The following RGS5 variants were observed in gnomAD, a reference collection of about 807,000 sequenced individuals.
The protein encoded by RGS5 is regulator of G-protein signalling 5.
A neutral mutation model predicts 18.9 loss-of-function variants in RGS5; 20 were observed. That is an observed-to-expected ratio of 1.06 (90% CI 0.74 to 1.54). The LOEUF is 1.54. Among genes scored for constraint, RGS5 ranks in the 40% most tolerant of loss-of-function variants. The pLI, the probability that RGS5 is intolerant of heterozygous loss-of-function variation, is 0.00. For missense variants in RGS5, 201 were observed against 211.8 expected, an observed-to-expected ratio of 0.95 and a Z score of 0.32; for synonymous variants, 57 against 76.2, an observed-to-expected ratio of 0.75 and a Z score of 1.31.
intron 1 of RGS5, among the ~76,000 whole-genome samples, chr1:163,192,267 C>T (rs903911744): frequency 6.6e-6 from 1 of 152,082 alleles, no homozygotes; most frequent in South Asian, 2.1e-4. Flanking sequence ...TGGGGCTGAG[C>T]CCTTAACCTA....
chr1:163,222,891 A>G (rs1360998330), intron 2 of RGS5, among the ~76,000 whole-genome samples: 1 of 151,760 alleles, frequency 6.6e-6, no homozygotes, highest in East Asian at 1.9e-4. Context: ...AGACGGCCTC[A>G]CTCTGTCACC....
intron 2 of RGS5, among the ~76,000 whole-genome samples, chr1:163,273,869 T>C (rs1052844704): frequency 6.6e-5 from 10 of 152,168 alleles, no homozygotes; most frequent in Admixed American, 5.9e-4. Context: ...TGGACTAAAT[T>C]TGGGAAATCT....
chr1:163,184,919 T>G (rs925945046), intron 1 of RGS5, among the ~76,000 whole-genome samples: 1 of 152,232 alleles, frequency 6.6e-6, no homozygotes, highest in African/African-American at 2.4e-5. Flanking sequence ...GCAACTGTTA[T>G]AGCAGCAAAT....
chr1:163,294,481 G>A (rs1474259915), intron 2 of RGS5, among the ~76,000 whole-genome samples: 1 of 152,236 alleles, frequency 6.6e-6, no homozygotes, highest in Non-Finnish European at 1.5e-5. Context: ...TCCTGAGACT[G>A]CACAGAACAG....
chr1:163,181,515 C>T (rs1224225754), intron 1 of RGS5, among the ~76,000 whole-genome samples: 1 of 152,158 alleles, frequency 6.6e-6, no homozygotes, highest in Non-Finnish European at 1.5e-5. Flanking sequence ...AACTGAGATT[C>T]ACAGAAATTA....
intron 1 of RGS5, among the ~76,000 whole-genome samples, chr1:163,195,951 AGAGG>A: frequency 6.6e-6 from 1 of 152,312 alleles, no homozygotes; most frequent in Non-Finnish European, 1.5e-5. Flanking sequence ...AGGAAGAAAT[AGAGG>A]AAGTTATGAG....
At chr1:163,261,130 G>C (rs1648423322) in intron 2 of RGS5, among the ~76,000 whole-genome samples, 1 of 152,132 alleles carries the variant, frequency 6.6e-6, no homozygotes, top group Non-Finnish European at 1.5e-5. Flanking sequence ...GATTCTGCTG[G>C]GATGGTACAA....
chr1:163,288,266 G>T (rs1255648434), intron 2 of RGS5, among the ~76,000 whole-genome samples: 2 of 152,012 alleles, frequency 1.3e-5, no homozygotes, highest in African/African-American at 4.8e-5. Context: ...ATAATAATCT[G>T]CCAATGGACT....
At chr1:163,207,929 A>AT (rs1274289845) in intron 1 of RGS5, among the ~76,000 whole-genome samples, 1 of 152,172 alleles carries the variant, frequency 6.6e-6, no homozygotes, top group Non-Finnish European at 1.5e-5. Context: ...AAAACAAAGA[A>AT]TAAACAGTTC....
intron 4 of RGS5, among the ~76,000 whole-genome samples, chr1:163,148,218 C>T (rs914412371): frequency 6.6e-6 from 1 of 152,126 alleles, no homozygotes; most frequent in Non-Finnish European, 1.5e-5. Flanking sequence ...TGAGCCACCG[C>T]GTCCGGCCCT....
At chr1:163,237,544 G>C (rs1647662286) in intron 2 of RGS5, among the ~76,000 whole-genome samples, 1 of 152,022 alleles carries the variant, frequency 6.6e-6, no homozygotes, top group Admixed American at 6.6e-5. Flanking sequence ...AATTAACCAG[G>C]CACGGTGGCG....
intron 1 of RGS5, among the ~76,000 whole-genome samples, chr1:163,180,294 G>A (rs1658756848): frequency 6.6e-6 from 1 of 152,086 alleles, no homozygotes; most frequent in South Asian, 2.1e-4. Flanking sequence ...CCTGTTAAAT[G>A]TGTCCTTGCT....
At chr1:163,162,647 C>A (rs1451412037) in intron 2 of RGS5, 1 of 151,588 alleles carries the variant, frequency 6.6e-6, no homozygotes, top group Admixed American at 6.6e-5. Context: ...ATGTTATACA[C>A]AAATGCTTGA....
upstream of RGS5, among the ~76,000 whole-genome samples, chr1:163,206,376 T>C (rs760320752): frequency 3.9e-5 from 6 of 152,022 alleles, no homozygotes; most frequent in Admixed American, 3.9e-4. Context: ...TGTTGCTTTT[T>C]GATTTTTTTA....
At chr1:163,272,518 A>G (rs745445780) in intron 2 of RGS5, among the ~76,000 whole-genome samples, 11 of 151,654 alleles carry the variant, frequency 7.3e-5, no homozygotes, top group Non-Finnish European at 1.3e-4. Context: ...CCTATGATTT[A>G]CTCTTGAATT....
chr1:163,189,285 T>C (rs533793780), intron 1 of RGS5, among the ~76,000 whole-genome samples: 12 of 152,256 alleles, frequency 7.9e-5, no homozygotes, highest in African/African-American at 1.7e-4. Context: ...GTTGTACATA[T>C]GCTAATAAAA....
intron 2 of RGS5, among the ~76,000 whole-genome samples, chr1:163,233,312 C>T (rs1156895276): frequency 1.3e-5 from 2 of 152,110 alleles, no homozygotes; most frequent in Non-Finnish European, 2.9e-5. Context: ...ATGGGGTTTT[C>T]CCATTTTTCT....
chr1:163,266,867 T>G (rs1486058730), intron 2 of RGS5, among the ~76,000 whole-genome samples: 2 of 152,094 alleles, frequency 1.3e-5, no homozygotes, highest in African/African-American at 2.4e-5. Context: ...TCAATAAGCA[T>G]TTTTAAAGAA....
chr1:163,281,864 A>T lies in RGS5; in HGVS notation c.-281+24369T>A, dbSNP rs554602348. On this transcript the variant is annotated intron_variant, in intron 2 of 5. Transcript: ENST00000618415. ...ATCATGCTGGGAAAGCTGGATATCC[A>T]CACGCATAAGAATGAAACTAGACCC... Among the ~76,000 whole-genome samples, 5 of 152,308 alleles carry T rather than the reference A, an allele frequency of 3.3e-5. No individual in the cohort carries two copies. The East Asian group carries it at 7.7e-4, about 24-fold the overall frequency.
Sources: gnomAD v4.1 joint callset for allele counts (sites outside exome capture counted in the v4.1 genomes callset) on GRCh38, gnomAD v4.1.1 for gene constraint, MANE v1.5 for transcripts, NCBI Gene and HGNC (gene_info 2026-07-23, HGNC 2026-07-21) for gene names.